The following CGNL1 variants were observed in gnomAD, a reference collection of about 807,000 sequenced individuals.
CGNL1 encodes the protein cingulin like 1, also known as cingulin-like protein 1.
A neutral mutation model predicts 141.2 loss-of-function variants in CGNL1; 132 were observed. That is an observed-to-expected ratio of 0.93 (90% CI 0.81 to 1.08). The LOEUF is 1.08. Among genes scored for constraint, CGNL1 ranks in the 50% least tolerant of loss-of-function variants. The pLI is 0.00. For missense variants in CGNL1, 1,870 were observed against 1,588.6 expected (o/e 1.18, Z -3.01); for synonymous variants, 690 against 622.1 (o/e 1.11, Z -1.63).
rs561540970 is a variant in CGNL1 at position 57,453,424 on chromosome 15, A to G, written c.2055-259A>G. ...AGTACCCTACCATCTCCTTTTGGGG[A>G]GAAAATGTCTCCGTATAACCATACC... On this transcript the variant is annotated intron_variant, in intron 6 of 18. Coordinates refer to ENST00000281282, the MANE Select transcript of CGNL1 (RefSeq NM_032866.5). Among the ~76,000 whole-genome samples the G allele has an allele frequency of 2.0e-5, 3 of 152,270 alleles. No homozygotes were observed. In the South Asian group the frequency reaches 6.2e-4, roughly 32 times the overall value.
intron 18 of CGNL1, among the ~76,000 whole-genome samples, chr15:57,546,462 G>C (rs1020679631): frequency 4.0e-4 from 61 of 152,208 alleles, no homozygotes; most frequent in Non-Finnish European, 7.1e-4. Flanking sequence ...CCCAATGCCA[G>C]CTGAGCTGGG....
At chr15:57,402,190 C>G (rs1287494050) in intron 1 of CGNL1, among the ~76,000 whole-genome samples, 1 of 152,160 alleles carries the variant, frequency 6.6e-6, no homozygotes, top group African/African-American at 2.4e-5. Flanking sequence ...GCTTGGTGCT[C>G]TCCCCATAGT....
chr15:57,383,540 C>T (rs1044260537), intron 1 of CGNL1, among the ~76,000 whole-genome samples: 2 of 151,874 alleles, frequency 1.3e-5, no homozygotes, highest in African/African-American at 2.4e-5. Context: ...CCTCGTGATC[C>T]GCCTGCCTCA....
At chr15:57,377,186 A>G (rs924449881) in intron 1 of CGNL1, 2 of 150,754 alleles carry the variant, frequency 1.3e-5, no homozygotes, top group African/African-American at 5.0e-5. Context: ...GTCATGTTGG[A>G]GTTAGTTACA....
At position 57,516,800 on chromosome 15, in the gene CGNL1, C is replaced by T. The variant is rs1352565900; in HGVS notation, c.2424C>T (p.Ser808=). ...AACAGAATGTCGAGGTCTTGGCGAG[C>T]AGGAGCAACACTTCAGAGCAAGACC... The part of the protein sequence containing the change: ...EATKNVEVLA[S]RSNTSEQDQA... Residue 808 remains serine (S), a synonymous_variant, in exon 9 of 19, where the codon AGC becomes AGT. Transcript: ENST00000281282. 7 of 1,614,008 alleles carry T rather than the reference C, an allele frequency of 4.3e-6. No individual in the cohort carries two copies. Among genetic ancestry groups the T allele is most frequent in the Non-Finnish European group, 5.9e-6 (7 of 1,180,008 alleles).
intron 7 of CGNL1, among the ~76,000 whole-genome samples, chr15:57,459,164 G>A (rs1437730357): frequency 2.0e-5 from 3 of 152,180 alleles, no homozygotes; most frequent in African/African-American, 7.2e-5. Context: ...AAGAAAACAG[G>A]TCGTGTTCTT....
At chr15:57,475,487 AGTGTG>A (rs1335457466) in intron 8 of CGNL1, among the ~76,000 whole-genome samples, 3 of 137,212 alleles carry the variant, frequency 2.2e-5, no homozygotes, top group African/African-American at 8.6e-5. Flanking sequence ...TGTATATACA[AGTGTG>A]GTGTGTGTGT....
chr15:57,437,268 C>T (rs1219820901), intron 1 of CGNL1, among the ~76,000 whole-genome samples: 7 of 152,040 alleles, frequency 4.6e-5, no homozygotes, highest in Admixed American at 4.6e-4. Context: ...TTTTCCAGAT[C>T]AATATGCTAT....
chr15:57,398,402 C>T (rs1388079038), intron 1 of CGNL1: 2 of 151,878 alleles, frequency 1.3e-5, no homozygotes, highest in African/African-American at 4.8e-5. Flanking sequence ...TAATGGAAGC[C>T]CAGGAGGAAA....
intron 1 of CGNL1, among the ~76,000 whole-genome samples, chr15:57,426,254 C>T (rs955653316): frequency 1.3e-5 from 2 of 152,130 alleles, no homozygotes; most frequent in African/African-American, 4.8e-5. Flanking sequence ...AAGGGATTCT[C>T]CTGCCTCAGC....
intron 4 of CGNL1, among the ~76,000 whole-genome samples, chr15:57,446,915 C>T (rs1200319986): frequency 6.6e-6 from 1 of 152,116 alleles, no homozygotes; most frequent in African/African-American, 2.4e-5. Flanking sequence ...ACACTACTAT[C>T]GTACGGTTTA....
chr15:57,517,926 C>CTG (rs142720300), intron 9 of CGNL1, among the ~76,000 whole-genome samples: 1 of 151,454 alleles, frequency 6.6e-6, no homozygotes, highest in Non-Finnish European at 1.5e-5. Context: ...TTTTATAAAA[C>CTG]TGTGTGTGTG....
rs772917191 is a variant in CGNL1, at chr15:57,453,725, G to T, written c.2097G>T (p.Glu699Asp). The T allele has an allele frequency of 3.1e-6, 5 of 1,613,982 alleles. No individual in the cohort carries two copies. Among genetic ancestry groups the T allele is most frequent in the Non-Finnish European group, 4.2e-6 (5 of 1,179,928 alleles). Reference protein sequence around the residue: ...VKMEREQHQTEIRDLQDQLSE... With the variant: ...VKMEREQHQTDIRDLQDQLSE... ...TGGAACGGGAGCAGCATCAGACTGA[G>T]ATCAGGGATCTCCAGGACCAGCTCT... Residue 699 changes from glutamate to aspartate, a missense_variant, in exon 7 of 19, where the codon GAG becomes GAT. Physicochemically the swap from Glu to Asp is conservative, Grantham distance 45. Coordinates refer to ENST00000281282, the MANE Select transcript of CGNL1 (RefSeq NM_032866.5).
chr15:57,434,013 C>T (rs1178031012), intron 1 of CGNL1, among the ~76,000 whole-genome samples: 1 of 135,314 alleles, frequency 7.4e-6, no homozygotes, highest in East Asian at 2.2e-4. Context: ...GTCCTTCATT[C>T]TTAAATAGGA....
intron 5 of CGNL1, among the ~76,000 whole-genome samples, chr15:57,451,839 T>A (rs1214169270): frequency 6.6e-6 from 1 of 152,206 alleles, no homozygotes; most frequent in Non-Finnish European, 1.5e-5. Context: ...AGAAACCCTG[T>A]TGGATTTAGG....
chr15:57,466,502 C>T (rs1415378848), intron 8 of CGNL1, among the ~76,000 whole-genome samples: 3 of 152,204 alleles, frequency 2.0e-5, no homozygotes, highest in African/African-American at 7.2e-5. Context: ...CTTCCAGGAA[C>T]TTCCCTCGCT....
chr15:57,528,608 C>T, intron 12 of CGNL1, 46 bp from the exon 13 acceptor site: 1 of 1,604,112 alleles, frequency 6.2e-7, no homozygotes, highest in Non-Finnish European at 8.5e-7. Context: ...GGTCTCTATG[C>T]TCTTGATGCA....
At chr15:57,514,028 C>T (rs1397799017) in intron 8 of CGNL1, among the ~76,000 whole-genome samples, 1 of 152,126 alleles carries the variant, frequency 6.6e-6, no homozygotes, top group African/African-American at 2.4e-5. Context: ...TATAGCTATC[C>T]TAGTGGATGT....
At chr15:57,544,432 G>A (rs1276121182) in intron 15 of CGNL1, 41 bp from the exon 16 acceptor site, 1 of 1,612,862 alleles carries the variant, frequency 6.2e-7, no homozygotes, top group Non-Finnish European at 8.5e-7. Context: ...ACAGAGCGTG[G>A]CAGACACATA....
Sources: gnomAD v4.1 joint callset for allele counts (sites outside exome capture counted in the v4.1 genomes callset) on GRCh38, gnomAD v4.1.1 for gene constraint, MANE v1.5 for transcripts, NCBI Gene and HGNC (gene_info 2026-07-23, HGNC 2026-07-21) for gene names.